The following TAF4 variants were observed in gnomAD, a reference collection of about 807,000 sequenced individuals.
TAF4 encodes the protein TATA-box binding protein associated factor 4.
TAF4 carries 9 observed loss-of-function variants against 90.3 expected under a neutral mutation model. The ratio of observed to expected loss-of-function variants is 0.10; its 90% CI spans 0.06 to 0.17. TAF4 has a LOEUF of 0.17. TAF4 is among the 10% of genes least tolerant of loss of function. TAF4 has a pLI of 1.00. For missense variants in TAF4, 1,351 were observed against 1,370.7 expected (o/e 0.99, Z 0.23); for synonymous variants, 818 against 638.9 (o/e 1.28, Z -4.23).
chr20:62,004,328 C>CTTTTTTTTTTTTTTTTTTTT (rs60437230), intron 7 of TAF4, among the ~76,000 whole-genome samples: 4 of 117,198 alleles, frequency 3.4e-5, no homozygotes, highest in East Asian at 2.4e-4. Context: ...CTTTTCTTTT[C>CTTTTTTTTTTTTTTTTTTTT]TTTTTTTTTT....
intron 14 of TAF4, among the ~76,000 whole-genome samples, chr20:61,988,611 G>A (rs1274352164): frequency 6.6e-6 from 1 of 152,208 alleles, no homozygotes; most frequent in African/African-American, 2.4e-5. Context: ...CATCTTTGAT[G>A]AAGAAAGGTG....
intron 1 of TAF4, among the ~76,000 whole-genome samples, chr20:62,048,695 C>T (rs1191900341): frequency 1.3e-5 from 2 of 151,462 alleles, no homozygotes; most frequent in Non-Finnish European, 1.5e-5. Flanking sequence ...CTGGCGTGCC[C>T]ACCTCGGTCC....
At chr20:61,996,812 A>G (rs980660845) in intron 14 of TAF4, among the ~76,000 whole-genome samples, 37 of 151,766 alleles carry the variant, frequency 2.4e-4, no homozygotes, top group Non-Finnish European at 3.2e-4. Context: ...AAAAAAAAAA[A>G]AGAGAATGAG....
rs1017374341 is a variant in TAF4, at chr20:62,065,799, G to A, written c.12C>T (p.Gly4=). Residue 4 remains glycine, a synonymous_variant, in exon 1 of 15, where the codon GGC becomes GGT. Coordinates refer to ENST00000252996, the MANE Select transcript of TAF4 (RefSeq NM_003185.4). MAA[G]SDLLDEVFFN... ...AGAAGACCTCGTCCAGCAGATCCGAGCCCGCCGCCATCTTTTTTCCTCGGC... is the reference window on the plus strand; with the variant it reads ...AGAAGACCTCGTCCAGCAGATCCGAACCCGCCGCCATCTTTTTTCCTCGGC... 6 of 1,303,026 alleles carry A rather than the reference G, an allele frequency of 4.6e-6. No homozygotes were observed. Among genetic ancestry groups the A allele is most frequent in the Non-Finnish European group, 6.0e-6 (6 of 1,004,882 alleles). The allele number at this position is 1,303,026 out of a possible 1,614,324, so 80.7% of individuals were successfully genotyped here.
At chr20:61,987,032 G>A (rs1183544780) in intron 14 of TAF4, among the ~76,000 whole-genome samples, 1 of 152,130 alleles carries the variant, frequency 6.6e-6, no homozygotes, top group Non-Finnish European at 1.5e-5. Context: ...AGAGTAACTC[G>A]ACAATGGAGT....
chr20:62,043,687 G>A (rs950642809), intron 1 of TAF4, among the ~76,000 whole-genome samples: 2 of 152,034 alleles, frequency 1.3e-5, no homozygotes, highest in African/African-American at 4.8e-5. Flanking sequence ...ACTCACTATC[G>A]TGTTACAACT....
chr20:62,057,087 G>A (rs1328290229), intron 1 of TAF4, among the ~76,000 whole-genome samples: 1 of 152,106 alleles, frequency 6.6e-6, no homozygotes, highest in Admixed American at 6.5e-5. Flanking sequence ...ACTTTCACAG[G>A]TCATTGTCCC....
At position 62,064,436 on chromosome 20, in the gene TAF4, C is replaced by A; in HGVS notation, c.1360+15G>T. On this transcript the variant is annotated intron_variant, in intron 1 of 14. Transcript: ENST00000252996. Reference sequence around the variant, plus strand: ...TGGGAGCCGCCCTTCCCTCCCGCCCCGTGCGGCCACTCACCTGGGGGCAGC... The same window carrying A: ...TGGGAGCCGCCCTTCCCTCCCGCCCAGTGCGGCCACTCACCTGGGGGCAGC... 1.5e-6 allele frequency: 2 copies of A among 1,360,734 alleles called. No individual in the cohort carries two copies. The highest frequency in any genetic ancestry group is 1.9e-6 in the Non-Finnish European group (2 of 1,048,580). The allele number at this position is 1,360,734 out of a possible 1,614,324, so 84.3% of individuals were successfully genotyped here. A position where few individuals can be genotyped will look rare whatever the true frequency, so the allele number is the denominator to read the frequency against.
At chr20:62,014,457 G>A in intron 2 of TAF4, 90 bp downstream of exon 2, 2 of 1,440,442 alleles carry the variant, frequency 1.4e-6, no homozygotes, top group Non-Finnish European at 1.8e-6. Context: ...TCCCATGGCT[G>A]TGCCTGGCCC....
At position 62,026,060 on chromosome 20, in the gene TAF4, A is replaced by C. The variant is rs528347073; in HGVS notation, c.1361-11353T>G. Among the ~76,000 whole-genome samples, 6 of 152,082 alleles carry C rather than the reference A, an allele frequency of 3.9e-5. No individual in the cohort carries two copies. In the South Asian group the frequency reaches 1.0e-3, roughly 26 times the overall value. On this transcript the variant is annotated intron_variant, in intron 1 of 14. Transcript: ENST00000252996. Reference sequence around the variant, plus strand: ...CCTTAGAGAGCAAGAAAAAGGTACAACCCTCCCGGCAAAAAATAACGGAAA... The same window carrying C: ...CCTTAGAGAGCAAGAAAAAGGTACACCCCTCCCGGCAAAAAATAACGGAAA...
intron 1 of TAF4, 50 bp from the exon 2 acceptor site, chr20:62,014,757 T>A: frequency 1.3e-6 from 2 of 1,598,426 alleles, no homozygotes; most frequent in African/African-American, 1.3e-5. Flanking sequence ...CCCAGAGCCA[T>A]GAGGAGGCCC....
At chr20:61,999,554 C>T (rs574720582) in intron 11 of TAF4, among the ~76,000 whole-genome samples, 3 of 152,282 alleles carry the variant, frequency 2.0e-5, no homozygotes, top group Admixed American at 6.5e-5. Flanking sequence ...GAGGAAGGCA[C>T]GTTTTACTTG....
intron 14 of TAF4, among the ~76,000 whole-genome samples, chr20:61,989,358 C>T (rs2055616371): frequency 6.6e-6 from 1 of 152,124 alleles, no homozygotes; most frequent in South Asian, 2.1e-4. Context: ...AGGAATGCCA[C>T]AGACGAGGGA....
chr20:62,014,552 C>T lies in TAF4; in HGVS notation c.1516G>A (p.Val506Ile), dbSNP rs1019767600. The change falls in exon 2 of 15, where the codon GTA (valine) becomes ATA (isoleucine). Residue 506 changes from valine to isoleucine, a missense_variant. Transcript: ENST00000252996. ...TSAPPVQIST[V>I]QAPGTPIIAR... is the part of the protein sequence containing the mutation. ...CAGGGCACACGTGCACTCACCTGTA[C>T]GGTGGAGATCTGGACGGGAGGGGCA... The T allele has an allele frequency of 5.6e-6, 9 of 1,612,226 alleles. No homozygotes were observed. The highest frequency in any genetic ancestry group is 2.2e-5 in the East Asian group (1 of 44,870).
chr20:62,055,151 A>C (rs113746653), intron 1 of TAF4, among the ~76,000 whole-genome samples: 1 of 150,778 alleles, frequency 6.6e-6, no homozygotes, highest in Admixed American at 6.6e-5. Flanking sequence ...GCCTGCGGGC[A>C]GTCCTGCAAT....
In TAF4 at chr20:62,064,952, G is replaced by T; in HGVS notation, c.859C>A (p.Pro287Thr). 1 of 505,226 alleles carries T rather than the reference G, an allele frequency of 2.0e-6. No individual in the cohort carries two copies. Among genetic ancestry groups the T allele is most frequent in the Non-Finnish European group, 2.5e-6 (1 of 399,834 alleles). 31.3% of individuals were successfully genotyped at this position (505,226 alleles called of 1,614,324 possible). A position where few individuals can be genotyped will look rare whatever the true frequency, so the allele number is the denominator to read the frequency against. The change falls in exon 1 of 15, where the codon CCC (proline) becomes ACC (threonine). Residue 287 changes from proline (P) to threonine (T), a missense_variant. Coordinates refer to ENST00000252996, the MANE Select transcript of TAF4 (RefSeq NM_003185.4). ...PATLARPPGH[P>T]AGPPTAAPAV... ...GGCGCGGCGGTCGGGGGTCCGGCGGGGTGGCCGGGCGGCCGGGCCAGAGTG... is the reference window on the plus strand; with the variant it reads ...GGCGCGGCGGTCGGGGGTCCGGCGGTGTGGCCGGGCGGCCGGGCCAGAGTG...
At chr20:62,044,788 C>A (rs1003504223) in intron 1 of TAF4, among the ~76,000 whole-genome samples, 1 of 152,172 alleles carries the variant, frequency 6.6e-6, no homozygotes, top group African/African-American at 2.4e-5. Context: ...ATGACCAGCA[C>A]CCCCAGCGCT....
intron 1 of TAF4, among the ~76,000 whole-genome samples, chr20:62,039,678 T>C (rs914264963): frequency 1.3e-5 from 2 of 152,182 alleles, no homozygotes; most frequent in Non-Finnish European, 2.9e-5. Flanking sequence ...ACTTGCACTT[T>C]AAAACGCATG....
chr20:62,059,465 C>T (rs1250542455), intron 1 of TAF4, among the ~76,000 whole-genome samples: 2 of 152,212 alleles, frequency 1.3e-5, no homozygotes, highest in African/African-American at 2.4e-5. Context: ...CATTATTCCA[C>T]GCAAGAATTG....
Sources: gnomAD v4.1 joint callset for allele counts (sites outside exome capture counted in the v4.1 genomes callset) on GRCh38, gnomAD v4.1.1 for gene constraint, MANE v1.5 for transcripts, NCBI Gene and HGNC (gene_info 2026-07-23, HGNC 2026-07-21) for gene names.